The following DLC1 variants were observed in gnomAD, a reference collection of about 807,000 sequenced individuals.
DLC1 encodes the protein DLC1 Rho GTPase activating protein.
DLC1 carries 54 observed loss-of-function variants against 140.3 expected under a neutral mutation model. The ratio of observed to expected loss-of-function variants is 0.38; its 90% CI spans 0.31 to 0.48. DLC1 has a LOEUF of 0.48. DLC1 is among the 20% of genes least tolerant of loss of function. DLC1 has a pLI of 0.96. For missense variants in DLC1, 2,536 were observed against 1,907.0 expected, an observed-to-expected ratio of 1.33 and a Z score of -6.14; for synonymous variants, 986 against 728.1, an observed-to-expected ratio of 1.35 and a Z score of -5.70.
intron 4 of DLC1, among the ~76,000 whole-genome samples, chr8:13,356,247 C>G (rs901960295): frequency 6.6e-6 from 1 of 151,898 alleles, no homozygotes; most frequent in African/African-American, 2.4e-5. Context: ...TCCTCTTGAA[C>G]TTTGAATGTA....
chr8:13,558,172 G>C (rs1436753948), intron 1 of DLC1: 1 of 152,176 alleles, frequency 6.6e-6, no homozygotes, highest in Non-Finnish European at 1.5e-5. Context: ...TTAATTCTTG[G>C]AGCAGGTGCT....
At chr8:13,224,346 C>T (rs145392013) in intron 5 of DLC1, among the ~76,000 whole-genome samples, 23 of 152,230 alleles carry the variant, frequency 1.5e-4, no homozygotes, top group East Asian at 1.2e-3. Flanking sequence ...GATTTCAGTC[C>T]GGTTGGTCAG....
chr8:13,573,028 T>C (rs1170095612), intron 1 of DLC1, among the ~76,000 whole-genome samples: 1 of 152,214 alleles, frequency 6.6e-6, no homozygotes, highest in Non-Finnish European at 1.5e-5. Context: ...GGACTTTTGA[T>C]AGGGATTGCA....
chr8:13,603,920 C>T (rs117212070), intron 1 of DLC1, among the ~76,000 whole-genome samples: 371 of 151,980 alleles, frequency 2.4e-3, no homozygotes, highest in Non-Finnish European at 3.1e-3. Flanking sequence ...TCTTGGACTG[C>T]GTGAGTCTGT....
intron 5 of DLC1, among the ~76,000 whole-genome samples, chr8:13,248,078 T>C (rs1391708525): frequency 6.6e-6 from 1 of 152,212 alleles, no homozygotes; most frequent in Non-Finnish European, 1.5e-5. Context: ...GGCACCTGGT[T>C]AGTCTCAGTC....
intron 4 of DLC1, among the ~76,000 whole-genome samples, chr8:13,330,586 C>A (rs908629895): frequency 2.6e-5 from 4 of 152,070 alleles, no homozygotes; most frequent in Admixed American, 2.6e-4. Flanking sequence ...CACTAGCTAC[C>A]TTCCTCTACG....
chr8:13,485,876 T>G (rs1263897368), intron 2 of DLC1, among the ~76,000 whole-genome samples: 1 of 152,204 alleles, frequency 6.6e-6, no homozygotes, highest in East Asian at 1.9e-4. Context: ...AAGCAGAATT[T>G]TAAGCATAAA....
intron 5 of DLC1, among the ~76,000 whole-genome samples, chr8:13,128,248 T>A (rs1294495636): frequency 2.6e-5 from 4 of 152,226 alleles, no homozygotes; most frequent in Admixed American, 2.6e-4. Flanking sequence ...GAAATAATAT[T>A]TGAAAGTACT....
chr8:13,520,906 A>C (rs1802744879), intron 1 of DLC1, among the ~76,000 whole-genome samples: 1 of 152,074 alleles, frequency 6.6e-6, no homozygotes, highest in Non-Finnish European at 1.5e-5. Context: ...GTTACATTAC[A>C]CCATAATATT....
intron 1 of DLC1, among the ~76,000 whole-genome samples, chr8:13,541,993 T>C (rs1031688769): frequency 6.6e-6 from 1 of 152,240 alleles, no homozygotes; most frequent in South Asian, 2.1e-4. Flanking sequence ...TTTGCAAATA[T>C]TTTCTTCCAG....
chr8:13,095,688 T>A, intron 10 of DLC1: 1 of 166,928 alleles, frequency 6.0e-6, no homozygotes, highest in Non-Finnish European at 1.3e-5. Flanking sequence ...TGTAATACCC[T>A]AATTAGGTGC....
intron 1 of DLC1, among the ~76,000 whole-genome samples, chr8:13,585,411 A>T (rs7845902): frequency 0.14 from 21,457 of 151,320 alleles, 1,854 homozygotes; most frequent in African/African-American, 0.24. Flanking sequence ...TAAAAAATTT[A>T]AAAAAAAAGA....
intron 5 of DLC1, among the ~76,000 whole-genome samples, chr8:13,221,420 G>T (rs1200013190): frequency 1.3e-5 from 2 of 150,924 alleles, no homozygotes; most frequent in African/African-American, 2.4e-5. Context: ...ACCCAGGCTG[G>T]AGTGCAGTGG....
At chr8:13,474,317 T>G (rs895521840) in intron 2 of DLC1, among the ~76,000 whole-genome samples, 9 of 152,184 alleles carry the variant, frequency 5.9e-5, no homozygotes, top group Non-Finnish European at 1.2e-4. Context: ...AATTGGGGAT[T>G]GGAAACCTCT....
chr8:13,601,065 G>T (rs1339517573), intron 1 of DLC1, among the ~76,000 whole-genome samples: 1 of 151,542 alleles, frequency 6.6e-6, no homozygotes, highest in Non-Finnish European at 1.5e-5. Context: ...AGCCAATCTC[G>T]TAAAGTCATA....
At chr8:13,405,038 T>G (rs978045021) in intron 2 of DLC1, among the ~76,000 whole-genome samples, 8 of 151,900 alleles carry the variant, frequency 5.3e-5, no homozygotes, top group Non-Finnish European at 1.2e-4. Context: ...TTTGTGTACT[T>G]CTGGAGGATT....
intron 1 of DLC1, among the ~76,000 whole-genome samples, chr8:13,547,562 G>A (rs13256401): frequency 2.0e-5 from 3 of 151,796 alleles, no homozygotes; most frequent in Non-Finnish European, 4.4e-5. Flanking sequence ...GTGAGTATAT[G>A]CTATTGCTCT....
At chr8:13,121,164 C>G (rs1210631946) in intron 5 of DLC1, among the ~76,000 whole-genome samples, 3 of 152,032 alleles carry the variant, frequency 2.0e-5, no homozygotes, top group Non-Finnish European at 4.4e-5. Flanking sequence ...CCTGGATTCC[C>G]TAAAATTTGA....
chr8:13,166,209 C>T (rs369531710), intron 5 of DLC1, among the ~76,000 whole-genome samples: 1 of 152,160 alleles, frequency 6.6e-6, no homozygotes, highest in African/African-American at 2.4e-5. Context: ...TTCCAAAGCC[C>T]AGCACATTTT....
Sources: gnomAD v4.1 joint callset for allele counts (sites outside exome capture counted in the v4.1 genomes callset) on GRCh38, gnomAD v4.1.1 for gene constraint, MANE v1.5 for transcripts, NCBI Gene and HGNC (gene_info 2026-07-23, HGNC 2026-07-21) for gene names.